BTBD9: variants seen among roughly 807,000 people sequenced by gnomAD.
The protein encoded by BTBD9 is BTB/POZ domain-containing protein 9.
BTBD9 carries 49 observed loss-of-function variants against 64.3 expected under a neutral mutation model. The observed-to-expected ratio is 0.76, with a 90% CI of 0.61 to 0.97. The LOEUF (loss-of-function observed/expected upper bound fraction) is 0.97. Ranked by LOEUF, BTBD9 falls within the 50% of genes least tolerant of loss-of-function variation. BTBD9 has a pLI of 0.00. For missense variants in BTBD9, 598 were observed against 762.1 expected, an observed-to-expected ratio of 0.78 and a Z score of 2.53; for synonymous variants, 260 against 274.7, an observed-to-expected ratio of 0.95 and a Z score of 0.53.
chr6:38,527,972 G>C (rs913773273), intron 6 of BTBD9, among the ~76,000 whole-genome samples: 1 of 152,058 alleles, frequency 6.6e-6, no homozygotes, highest in African/African-American at 2.4e-5. Context: ...AGTCAGGTAA[G>C]TGATCATAAT....
intron 7 of BTBD9, among the ~76,000 whole-genome samples, chr6:38,299,166 T>A (rs1459625505): frequency 6.6e-6 from 1 of 152,180 alleles, no homozygotes; most frequent in Admixed American, 6.5e-5. Context: ...TTCATCCATG[T>A]CCCCACAAAG....
At chr6:38,517,668 C>T (rs1773097061) in intron 6 of BTBD9, among the ~76,000 whole-genome samples, 2 of 152,142 alleles carry the variant, frequency 1.3e-5, no homozygotes, top group South Asian at 4.1e-4. Context: ...ATAAATTCTC[C>T]CCCTTCTTTC....
At chr6:38,233,391 T>C (rs1224627625) in intron 9 of BTBD9, among the ~76,000 whole-genome samples, 1 of 152,216 alleles carries the variant, frequency 6.6e-6, no homozygotes, top group Non-Finnish European at 1.5e-5. Flanking sequence ...AAACCCATAA[T>C]ATATCAGAGC....
chr6:38,412,083 T>A (rs1235457783), intron 6 of BTBD9, among the ~76,000 whole-genome samples: 1 of 151,930 alleles, frequency 6.6e-6, no homozygotes, highest in Non-Finnish European at 1.5e-5. Context: ...TGACTCATCA[T>A]CCAGATGCAA....
chr6:38,297,235 G>A (rs934321621), intron 7 of BTBD9, among the ~76,000 whole-genome samples: 31 of 151,984 alleles, frequency 2.0e-4, no homozygotes, highest in African/African-American at 3.6e-4. Context: ...GCATGGTGGC[G>A]CGCACCTGTA....
intron 4 of BTBD9, 46 bp from the exon 5 acceptor site, chr6:38,580,483 T>C (rs1190264491): frequency 6.7e-7 from 1 of 1,496,644 alleles, no homozygotes; most frequent in African/African-American, 1.4e-5. Context: ...TACTTATTTA[T>C]TCTGTATTTT....
chr6:38,522,509 C>T (rs1773316127), intron 6 of BTBD9, among the ~76,000 whole-genome samples: 1 of 152,182 alleles, frequency 6.6e-6, no homozygotes, highest in Non-Finnish European at 1.5e-5. Flanking sequence ...GCTTCTTTGA[C>T]GTCCGTCTGG....
At chr6:38,544,720 A>G (rs1406334659) in intron 6 of BTBD9, among the ~76,000 whole-genome samples, 1 of 152,050 alleles carries the variant, frequency 6.6e-6, no homozygotes, top group African/African-American at 2.4e-5. Context: ...TGAGGTCAGG[A>G]GTTCGAGACC....
At chr6:38,302,513 A>ATATATC (rs1762450239) in intron 7 of BTBD9, among the ~76,000 whole-genome samples, 1 of 95,796 alleles carries the variant, frequency 1.0e-5, no homozygotes, top group South Asian at 2.9e-4. Context: ...ATATATATAT[A>ATATATC]TATATATATA....
At position 38,352,324 on chromosome 6, in the gene BTBD9, C is replaced by G. The variant is rs544408344; in HGVS notation, c.1155-7231G>C. Among the ~76,000 whole-genome samples the G allele has an allele frequency of 9.0e-4, 136 of 151,910 alleles. 1 individual carries two copies. Among genetic ancestry groups the G allele is most frequent in the African/African-American group, 3.2e-3 (134 of 41,418 alleles). On this transcript the variant is annotated intron_variant, in intron 6 of 10. Coordinates refer to ENST00000481247, the MANE Select transcript of BTBD9 (RefSeq NM_001099272.2). ...CCCAGGAAGTTGAGGCTGTAGTGAG[C>G]CATGATCATACTACTGCACTCCAGC...
chr6:38,461,558 T>C (rs1770088027), intron 6 of BTBD9, among the ~76,000 whole-genome samples: 1 of 152,228 alleles, frequency 6.6e-6, no homozygotes, highest in South Asian at 2.1e-4. Context: ...CAATTCGTTT[T>C]ATCTGTTGAT....
chr6:38,361,228 C>T (rs985907449), intron 6 of BTBD9, among the ~76,000 whole-genome samples: 1 of 152,122 alleles, frequency 6.6e-6, no homozygotes, highest in African/African-American at 2.4e-5. Flanking sequence ...ATAATAAATA[C>T]CCATAGTCAG....
At chr6:38,468,934 G>C (rs1440309638) in intron 6 of BTBD9, among the ~76,000 whole-genome samples, 1 of 152,092 alleles carries the variant, frequency 6.6e-6, no homozygotes, top group Non-Finnish European at 1.5e-5. Context: ...TGACTATGTA[G>C]GGAAAATCCC....
At chr6:38,288,151 C>T (rs545177651) in intron 8 of BTBD9, 121 bp downstream of exon 8, 12 of 1,078,330 alleles carry the variant, frequency 1.1e-5, no homozygotes, top group East Asian at 2.5e-5. Flanking sequence ...TTTCTTGATA[C>T]TTAGAGCAAA....
chr6:38,364,155 G>C (rs1466442670), intron 6 of BTBD9, among the ~76,000 whole-genome samples: 3 of 152,110 alleles, frequency 2.0e-5, no homozygotes, highest in Non-Finnish European at 2.9e-5. Flanking sequence ...CACATTCATT[G>C]GTGCCAAGGG....
chr6:38,442,999 G>A (rs1769107590), intron 6 of BTBD9, among the ~76,000 whole-genome samples: 1 of 151,764 alleles, frequency 6.6e-6, no homozygotes, highest in Non-Finnish European at 1.5e-5. Flanking sequence ...AAAGGATCAA[G>A]GATTTTTTAA....
chr6:38,233,328 GTGATTCAAAGATGAATAAGACATGGTCCC>G (rs1763676649), intron 9 of BTBD9, among the ~76,000 whole-genome samples: 1 of 152,144 alleles, frequency 6.6e-6, no homozygotes, highest in East Asian at 1.9e-4. Context: ...CCAAGTTGTG[GTGATTCAAAGATGAATAAGACATGGTCCC>G]TGACCCTTGA....
chr6:38,588,284 C>T lies in BTBD9; in HGVS notation c.814+4292G>A, dbSNP rs929028844. 1.1e-5 allele frequency: 12 copies of T among 1,138,816 alleles called. No homozygotes were observed. In the African/African-American group the frequency reaches 1.4e-4, roughly 13 times the overall value. 70.5% of individuals were successfully genotyped at this position (1,138,816 alleles called of 1,614,324 possible). A position where few individuals can be genotyped will look rare whatever the true frequency, so the allele number is the denominator to read the frequency against. On this transcript the variant is annotated intron_variant, in intron 4 of 10. Coordinates refer to ENST00000481247, the MANE Select transcript of BTBD9 (RefSeq NM_001099272.2). ...TCAACAACTGCCTGCTCAGCTGCCA[C>T]ACAGTACCAGGCAAGCAATTATCCT...
At chr6:38,499,925 T>C (rs1772120533) in intron 6 of BTBD9, among the ~76,000 whole-genome samples, 1 of 152,236 alleles carries the variant, frequency 6.6e-6, no homozygotes, top group Non-Finnish European at 1.5e-5. Flanking sequence ...GCCCACATTC[T>C]TTTCAGAGAC....
Sources: gnomAD v4.1 joint callset for allele counts (sites outside exome capture counted in the v4.1 genomes callset) on GRCh38, gnomAD v4.1.1 for gene constraint, MANE v1.5 for transcripts, NCBI Gene and HGNC (gene_info 2026-07-23, HGNC 2026-07-21) for gene names.